The following CACNG7 variants were observed in gnomAD, a reference collection of about 807,000 sequenced individuals.
CACNG7 encodes the protein calcium voltage-gated channel auxiliary subunit gamma 7, also known as voltage-dependent calcium channel gamma-7 subunit.
In CACNG7, 9 loss-of-function variants were observed where a neutral mutation model predicts 26.3. That is an observed-to-expected ratio of 0.34 (90% confidence interval 0.21 to 0.60). The LOEUF is 0.60. Among genes scored for constraint, CACNG7 ranks in the 20% least tolerant of loss-of-function variants. The probability of loss-of-function intolerance (pLI) is 0.81; values close to 1 mark genes in which losing one functional copy is unlikely to be tolerated. For missense variants in CACNG7, 297 were observed against 380.4 expected (o/e 0.78, Z 1.82); for synonymous variants, 170 against 157.0 (o/e 1.08, Z -0.62).
intron 4 of CACNG7, among the ~76,000 whole-genome samples, chr19:53,929,442 C>G (rs767036306): frequency 6.6e-6 from 1 of 151,966 alleles, no homozygotes; most frequent in African/African-American, 2.4e-5. Flanking sequence ...GCTTCATGAT[C>G]ATTCTCTTTA....
At chr19:53,919,015 C>T (rs2068916775) in intron 4 of CACNG7, among the ~76,000 whole-genome samples, 1 of 152,210 alleles carries the variant, frequency 6.6e-6, no homozygotes, top group South Asian at 2.1e-4. Flanking sequence ...GGTGATCCGC[C>T]CGCCTCGGCC....
intron 4 of CACNG7, among the ~76,000 whole-genome samples, chr19:53,929,424 C>T (rs2069056559): frequency 1.3e-5 from 2 of 151,996 alleles, no homozygotes; most frequent in Non-Finnish European, 2.9e-5. Context: ...GCATTTTCAC[C>T]ATGTAATGCT....
At chr19:53,922,953 G>C (rs1285627098) in intron 4 of CACNG7, among the ~76,000 whole-genome samples, 1 of 94,412 alleles carries the variant, frequency 1.1e-5, no homozygotes, top group Non-Finnish European at 1.9e-5. Context: ...CATTGGTGGA[G>C]TTGCCCCAGG....
intron 4 of CACNG7, among the ~76,000 whole-genome samples, chr19:53,926,961 CT>C (rs572335202): frequency 6.6e-6 from 1 of 152,016 alleles, no homozygotes; most frequent in Non-Finnish European, 1.5e-5. Flanking sequence ...TTTCCTTTTT[CT>C]TTTTTTCTTT....
rs1446667860 is a variant in CACNG7, at chr19:53,909,495, G to A, written c.-52G>A. 1 of 152,174 alleles carries A rather than the reference G, an allele frequency of 6.6e-6. No individual in the cohort carries two copies. Among genetic ancestry groups the A allele is most frequent in the Admixed American group, 6.6e-5 (1 of 15,224 alleles). 9.4% of individuals were successfully genotyped at this position (152,174 alleles called of 1,614,324 possible). On this transcript the variant is annotated 5_prime_UTR_variant, in exon 1 of 6. Transcript: ENST00000391767. This position sits in a 1 kb window ranked among gnomAD's most constrained non-coding sequence, Gnocchi z 5.1. ...GCGGCTGCGGGGCCCGCGGCCCGGA[G>A]CGTCCGCCCAGCCCTGAGCGAGGTG...
At chr19:53,936,948 C>A (rs1286491871) in intron 4 of CACNG7, among the ~76,000 whole-genome samples, 2 of 151,886 alleles carry the variant, frequency 1.3e-5, no homozygotes. Flanking sequence ...CCCTCTGTCA[C>A]CCAGGCGGGA....
rs2069152324 is a variant in CACNG7, at chr19:53,943,510, CG to C, written c.*1222del. On this transcript the variant is annotated 3_prime_UTR_variant, in exon 6 of 6. Coordinates refer to ENST00000391767, the MANE Select transcript of CACNG7 (RefSeq NM_031896.5). ...TGGGGGGAGGGGGGCAGGGGAGGGACGGGGGCTTTTAGTTTGCATCTTAGGT... is the reference window on the plus strand; with the variant it reads ...TGGGGGGAGGGGGGCAGGGGAGGGACGGGGCTTTTAGTTTGCATCTTAGGT... 1 of 58,498 alleles carries C rather than the reference CG, an allele frequency of 1.7e-5. No individual in the cohort carries two copies. The highest frequency in any genetic ancestry group is 3.3e-5 in the Non-Finnish European group (1 of 30,142). The allele number at this position is 58,498 out of a possible 1,614,324, so 3.6% of individuals were successfully genotyped here.
Position 53,922,608 on chromosome 19 carries a change from TCCCAGGCCTGGTCATTGGTGCAGTTGTC to T in CACNG7, c.424+7134_424+7161del, listed in dbSNP as rs1568775534. ...CCAGGACTGGTCATTGGTGCAGTTGTCCCAGGCCTGGTCATTGGTGCAGTTGTCCCCAGGCCTGGTCATTGGTGCAGTT... is the reference window on the plus strand; with the variant it reads ...CCAGGACTGGTCATTGGTGCAGTTGTCCCAGGCCTGGTCATTGGTGCAGTT... On this transcript the variant is annotated intron_variant, in intron 4 of 5. Transcript: ENST00000391767. Among the ~76,000 whole-genome samples, 7 of 74,844 alleles carry T rather than the reference TCCCAGGCCTGGTCATTGGTGCAGTTGTC, an allele frequency of 9.4e-5. 1 individual carries two copies. Among genetic ancestry groups the T allele is most frequent in the Non-Finnish European group, 1.5e-4 (7 of 45,430 alleles). The allele number at this position is 74,844 out of a possible 152,430, so 49.1% of individuals were successfully genotyped here.
chr19:53,925,795 A>C lies in CACNG7; in HGVS notation c.424+10290A>C, dbSNP rs534168088. On this transcript the variant is annotated intron_variant, in intron 4 of 5. Coordinates refer to ENST00000391767, the MANE Select transcript of CACNG7 (RefSeq NM_031896.5). Reference sequence around the variant, plus strand: ...ATGCTTGTGTAGTGGCCCAGGCCGTAGCAGATAAGGTCTGTGCTGGGGCTG... The same window carrying C: ...ATGCTTGTGTAGTGGCCCAGGCCGTCGCAGATAAGGTCTGTGCTGGGGCTG... Among the ~76,000 whole-genome samples the C allele has an allele frequency of 5.9e-4, 90 of 152,370 alleles. No individual in the cohort carries two copies. In the South Asian group the frequency reaches 0.011, roughly 19 times the overall value.
intron 4 of CACNG7, among the ~76,000 whole-genome samples, chr19:53,936,630 A>G (rs1288855283): frequency 6.6e-6 from 1 of 152,070 alleles, no homozygotes; most frequent in African/African-American, 2.4e-5. Context: ...TTTTTTTGAG[A>G]CGGAGTCTCA....
Position 53,942,117 on chromosome 19 carries a change from C to A in CACNG7, c.652C>A (p.Arg218Ser). 1.9e-6 allele frequency: 3 copies of A among 1,613,982 alleles called. No individual in the cohort carries two copies. The highest frequency in any genetic ancestry group is 2.2e-5 in the East Asian group (1 of 44,862). Reference sequence around the variant, plus strand: ...GTACCGTCCACACCCGGCCTTCTACCGCCCGCGTCTCAGCGACTGCTCCGA... The same window carrying A: ...GTACCGTCCACACCCGGCCTTCTACAGCCCGCGTCTCAGCGACTGCTCCGA... Reference protein sequence around the residue: ...EMYRPHPAFYRPRLSDCSDYS... With the variant: ...EMYRPHPAFYSPRLSDCSDYS... Residue 218 changes from arginine (R) to serine (S), a missense_variant, in exon 6 of 6, where the codon CGC (arginine) becomes AGC (serine). Physicochemically the swap from Arg to Ser is moderately radical, Grantham distance 110. Coordinates refer to ENST00000391767, the MANE Select transcript of CACNG7 (RefSeq NM_031896.5). This position sits in a 1 kb window ranked among gnomAD's most constrained non-coding sequence, Gnocchi z 5.9.
intron 4 of CACNG7, among the ~76,000 whole-genome samples, chr19:53,924,195 G>GAGTTGTCCCAGGTCTGGTCATTGGTGT: frequency 7.5e-6 from 1 of 132,960 alleles, no homozygotes; most frequent in South Asian, 2.5e-4. Context: ...GTCATTGGTG[G>GAGTTGTCCCAGGTCTGGTCATTGGTGT]AGTTGTCCCA....
chr19:53,911,094 T>G (rs2068859233), intron 1 of CACNG7, among the ~76,000 whole-genome samples: 1 of 149,494 alleles, frequency 6.7e-6, no homozygotes, highest in Non-Finnish European at 1.5e-5. Context: ...TGAGATGGAG[T>G]CTCACTCTGT....
rs940494822 is a variant in CACNG7 at position 53,939,747 on chromosome 19, C to A, written c.425-1723C>A. On this transcript the variant is annotated intron_variant, in intron 4 of 5. Transcript: ENST00000391767. The surrounding 1 kb of genome is among the most constrained non-coding windows in gnomAD (Gnocchi z 4.2). Reference sequence around the variant, plus strand: ...ACGCTGTTACAAACATCCGTGTATGCGTTTTTGTATGAACATATGTTTCCA... The same window carrying A: ...ACGCTGTTACAAACATCCGTGTATGAGTTTTTGTATGAACATATGTTTCCA... 2.0e-5 allele frequency among the ~76,000 whole-genome samples: 3 copies of A among 152,084 alleles called. No individual in the cohort carries two copies. The highest frequency in any genetic ancestry group is 4.8e-5 in the African/African-American group (2 of 41,398).
Position 53,942,238 on chromosome 19 carries a change from A to G in CACNG7, c.773A>G (p.Tyr258Cys). The change falls in exon 6 of 6, where the codon TAC becomes TGC. Residue 258 changes from tyrosine to cysteine, a missense_variant. Tyr to Cys is a radical substitution (Grantham distance 194, BLOSUM62 -2). Coordinates refer to ENST00000391767, the MANE Select transcript of CACNG7 (RefSeq NM_031896.5). This position sits in a 1 kb window ranked among gnomAD's most constrained non-coding sequence, Gnocchi z 5.9. Reference sequence around the variant, plus strand: ...GTGTCCATCCAAATGACGCAGAACTACCCTCCCGCCATCAAGTACCCGGAC... The same window carrying G: ...GTGTCCATCCAAATGACGCAGAACTGCCCTCCCGCCATCAAGTACCCGGAC... Reference protein sequence around the residue: ...SDVSIQMTQNYPPAIKYPDHL... With the variant: ...SDVSIQMTQNCPPAIKYPDHL... The G allele has an allele frequency of 1.6e-5, 25 of 1,612,860 alleles. No homozygotes were observed. Among genetic ancestry groups the G allele is most frequent in the Non-Finnish European group, 2.1e-5 (25 of 1,179,684 alleles).
rs373860604 is a variant in CACNG7, at chr19:53,912,225, G to A, written c.-29-578G>A. Among the ~76,000 whole-genome samples, 5 of 152,092 alleles carry A rather than the reference G, an allele frequency of 3.3e-5. No individual in the cohort carries two copies. The highest frequency in any genetic ancestry group is 1.9e-4 in the East Asian group (1 of 5,178). ...TTGTTGGAGTCTGGTGTTCACAACC[G>A]GGGGCTTCGATCGTCACACAGAGAC... On this transcript the variant is annotated intron_variant, in intron 1 of 5. Coordinates refer to ENST00000391767, the MANE Select transcript of CACNG7 (RefSeq NM_031896.5). This position sits in a 1 kb window ranked among gnomAD's most constrained non-coding sequence, Gnocchi z 4.6.
At chr19:53,914,290 A>AAG (rs1555809771) in intron 2 of CACNG7, among the ~76,000 whole-genome samples, 10 of 101,696 alleles carry the variant, frequency 9.8e-5, no homozygotes, top group African/African-American at 3.3e-4. Context: ...AAAAAAAAGA[A>AAG]AAAAAGAAAA....
In CACNG7 at chr19:53,929,605, C is replaced by T. The variant is rs1442973004; in HGVS notation, c.425-11865C>T. ...CCGAGTAGCTGGGATTACAGGCGCC[C>T]GCCACCATGCCTGGCTAATTTTTGT... On this transcript the variant is annotated intron_variant, in intron 4 of 5. Transcript: ENST00000391767. Among the ~76,000 whole-genome samples the T allele has an allele frequency of 5.9e-5, 9 of 151,930 alleles. No homozygotes were observed. In the East Asian group the frequency reaches 7.7e-4, roughly 13 times the overall value.
intron 5 of CACNG7, 92 bp downstream of exon 5, chr19:53,941,707 G>T: frequency 7.0e-7 from 1 of 1,434,366 alleles, no homozygotes; most frequent in Non-Finnish European, 9.5e-7. Context: ...AGAGGCTGGA[G>T]ATGCAGACTC....
Sources: allele counts gnomAD v4.1 joint callset (sites outside exome capture counted in the v4.1 genomes callset), GRCh38; gene constraint gnomAD v4.1.1; non-coding constraint Gnocchi (gnomAD v3.1); transcripts MANE v1.5; gene names NCBI Gene and HGNC (gene_info 2026-07-23, HGNC 2026-07-21).